Variants in COBL observed in about 807,000 individuals in gnomAD.
COBL encodes protein cordon-bleu.
In COBL, 51 loss-of-function variants were observed where a neutral mutation model predicts 98.8. That is an observed-to-expected ratio of 0.52 (90% CI 0.41 to 0.65). COBL has a LOEUF of 0.65. Ranked by LOEUF, COBL falls within the 30% of genes least tolerant of loss-of-function variation. COBL has a pLI of 0.00. For missense variants in COBL, 1,617 were observed against 1,617.5 expected, an observed-to-expected ratio of 1.00 and a Z score of 0.01; for synonymous variants, 634 against 651.7, an observed-to-expected ratio of 0.97 and a Z score of 0.41.
intron 1 of COBL, among the ~76,000 whole-genome samples, chr7:51,298,688 G>C (rs1801639019): frequency 6.6e-6 from 1 of 152,214 alleles, no homozygotes; most frequent in African/African-American, 2.4e-5. Context: ...GACTCCGAAA[G>C]CTGCAAAATG....
At chr7:51,258,835 C>T (rs1438778989) in intron 1 of COBL, among the ~76,000 whole-genome samples, 3 of 152,190 alleles carry the variant, frequency 2.0e-5, no homozygotes, top group Non-Finnish European at 2.9e-5. Context: ...TAAATGACCA[C>T]AGCAATACAG....
chr7:51,067,487 A>G (rs1233000603), intron 7 of COBL, among the ~76,000 whole-genome samples: 1 of 152,200 alleles, frequency 6.6e-6, no homozygotes, highest in Non-Finnish European at 1.5e-5. Context: ...GCACATGTAC[A>G]TGAGTCTAGA....
At chr7:51,291,426 T>C (rs1800881378) in intron 1 of COBL, among the ~76,000 whole-genome samples, 1 of 152,132 alleles carries the variant, frequency 6.6e-6, no homozygotes, top group African/African-American at 2.4e-5. Flanking sequence ...CATTAAGGAA[T>C]TACTGTCAGG....
rs1199945923 is a variant in COBL, at chr7:51,219,848, C to T, written c.138G>A (p.Gly46=). ...TCATGCGAACCAAGTTCTGCTGCGA[C>T]CCGAGGGCCCCATCGTGGGGGGGCT... ...DQKPPHDGAL[G]SQQNLVRMKE... is the part of the protein sequence containing the mutation. Residue 46 remains glycine, a synonymous_variant, in exon 2 of 13, where the codon GGG becomes GGA. Transcript: ENST00000265136. 6.2e-7 allele frequency: 1 copy of T among 1,613,942 alleles called. No individual in the cohort carries two copies. The highest frequency in any genetic ancestry group is 8.5e-7 in the Non-Finnish European group (1 of 1,180,034).
rs544839152 is a variant in COBL, at chr7:51,197,044, G to C, written c.246-3455C>G. ...TCTCCTTCAGTTCAGCTCTGATTTT[G>C]GTTATTTCTTGTCTTCTGCTAGCTT... is the stretch of plus-strand genomic sequence containing the variant. On this transcript the variant is annotated intron_variant, in intron 2 of 12. Coordinates refer to ENST00000265136, the MANE Select transcript of COBL (RefSeq NM_015198.5). Among the ~76,000 whole-genome samples the C allele has an allele frequency of 2.0e-5, 3 of 151,156 alleles. No individual in the cohort carries two copies. The East Asian group carries it at 5.8e-4, about 29-fold the overall frequency.
intron 1 of COBL, among the ~76,000 whole-genome samples, chr7:51,299,320 C>T (rs776403026): frequency 2.0e-5 from 3 of 152,218 alleles, no homozygotes; most frequent in Non-Finnish European, 2.9e-5. Flanking sequence ...TATTATATTC[C>T]AAAGAACTTG....
intron 1 of COBL, among the ~76,000 whole-genome samples, chr7:51,295,131 C>T (rs1371871394): frequency 6.6e-6 from 1 of 151,712 alleles, no homozygotes; most frequent in African/African-American, 2.4e-5. Flanking sequence ...TACAAAAATA[C>T]AAAAATTAGC....
At chr7:51,138,925 C>G (rs556456499) in intron 5 of COBL, among the ~76,000 whole-genome samples, 574 of 152,346 alleles carry the variant, frequency 3.8e-3, no homozygotes, top group Non-Finnish European at 4.7e-3. Flanking sequence ...GTCCTCACCA[C>G]AACTATGCCT....
chr7:51,180,270 G>A (rs977505766), intron 5 of COBL, among the ~76,000 whole-genome samples: 2 of 152,268 alleles, frequency 1.3e-5, no homozygotes, highest in East Asian at 1.9e-4. Context: ...TGGCTGGCCC[G>A]GTTCCTTGTC....
At chr7:51,033,670 T>C (rs931147549) in intron 8 of COBL, 1 of 152,252 alleles carries the variant, frequency 6.6e-6, no homozygotes, top group Non-Finnish European at 1.5e-5. Context: ...CTGTGCTTGG[T>C]TGAGTTCAAA....
At chr7:51,243,049 G>A (rs561366324) in intron 1 of COBL, among the ~76,000 whole-genome samples, 3 of 152,304 alleles carry the variant, frequency 2.0e-5, no homozygotes, top group East Asian at 3.9e-4. Flanking sequence ...CCAATTTTCT[G>A]CGCTTGTTAA....
chr7:51,023,875 C>G (rs949953154), intron 12 of COBL, among the ~76,000 whole-genome samples: 6 of 152,224 alleles, frequency 3.9e-5, no homozygotes, highest in Admixed American at 1.3e-4. Flanking sequence ...GTGTCTAAGT[C>G]CAGGCCCTGT....
At chr7:51,039,117 G>T (rs1788916413) in intron 8 of COBL, among the ~76,000 whole-genome samples, 1 of 152,204 alleles carries the variant, frequency 6.6e-6, no homozygotes, top group Non-Finnish European at 1.5e-5. Context: ...TTGGGTATAT[G>T]TTTCAGGGGC....
intron 6 of COBL, among the ~76,000 whole-genome samples, chr7:51,119,869 T>G (rs1330542744): frequency 6.6e-6 from 1 of 152,174 alleles, no homozygotes; most frequent in Non-Finnish European, 1.5e-5. Context: ...ATTTGACTTC[T>G]AAGGAAATAG....
intron 1 of COBL, among the ~76,000 whole-genome samples, chr7:51,254,163 T>G (rs1796994026): frequency 6.6e-6 from 1 of 152,174 alleles, no homozygotes; most frequent in African/African-American, 2.4e-5. Context: ...AATTTCCATG[T>G]CCCCTCTTCA....
At chr7:51,217,805 T>C (rs1225462377) in intron 2 of COBL, among the ~76,000 whole-genome samples, 1 of 152,230 alleles carries the variant, frequency 6.6e-6, no homozygotes, top group African/African-American at 2.4e-5. Context: ...CAAAGTTATA[T>C]AGGAAAAGTG....
At chr7:51,185,618 T>A (rs953538333) in intron 4 of COBL, among the ~76,000 whole-genome samples, 1 of 152,220 alleles carries the variant, frequency 6.6e-6, no homozygotes, top group African/African-American at 2.4e-5. Context: ...AGTGGAGGTG[T>A]TCCTGGAGGA....
At chr7:51,303,543 T>G (rs1254608896) in intron 1 of COBL, among the ~76,000 whole-genome samples, 1 of 152,202 alleles carries the variant, frequency 6.6e-6, no homozygotes, top group Non-Finnish European at 1.5e-5. Flanking sequence ...GTCATTACTT[T>G]CCTCTAGCAA....
rs1166425094 is a variant in COBL at position 51,029,411 on chromosome 7, T to C, written c.1685A>G (p.Asn562Ser). 6.2e-7 allele frequency: 1 copy of C among 1,614,098 alleles called. No homozygotes were observed. The highest frequency in any genetic ancestry group is 8.5e-7 in the Non-Finnish European group (1 of 1,179,988). ...CTCCGAGTCGAAAGACCCAGCATTGTTGTTTCTATTGGAAAACAACCCCGA... is the reference window on the plus strand; with the variant it reads ...CTCCGAGTCGAAAGACCCAGCATTGCTGTTTCTATTGGAAAACAACCCCGA... ...VDSGLFSNRN[N>S]NAGSFDSEGV... Residue 562 changes from asparagine to serine, a missense_variant, in exon 10 of 13, where the codon AAC (asparagine) becomes AGC (serine). This residue lies in a region of COBL where 1,304 missense variants were observed against 1,282.0 expected (regional missense o/e 1.02). Coordinates refer to ENST00000265136, the MANE Select transcript of COBL (RefSeq NM_015198.5).
Sources: allele counts gnomAD v4.1 joint callset (sites outside exome capture counted in the v4.1 genomes callset), GRCh38; gene constraint gnomAD v4.1.1; regional missense constraint gnomAD v4.1.1; transcripts MANE v1.5; gene names NCBI Gene and HGNC (gene_info 2026-07-23, HGNC 2026-07-21).